PBX1: variants seen among roughly 807,000 people sequenced by gnomAD.
The protein encoded by PBX1 is PBX homeobox 1.
Under a neutral mutation model 53.4 loss-of-function variants are expected in PBX1, and 6 were observed. That is an observed-to-expected ratio of 0.11 (90% CI 0.06 to 0.22). PBX1 has a LOEUF of 0.22. PBX1 is among the 10% of genes least tolerant of loss of function. The pLI, the probability that PBX1 is intolerant of heterozygous loss-of-function variation, is 1.00. For missense variants in PBX1, 251 were observed against 551.4 expected (o/e 0.46, Z 5.46); for synonymous variants, 204 against 212.3 (o/e 0.96, Z 0.34).
At chr1:164,684,800 G>A (rs888859989) in intron 2 of PBX1, 1 of 152,186 alleles carries the variant, frequency 6.6e-6, no homozygotes, top group Non-Finnish European at 1.5e-5. Context: ...TGTGTTTGAC[G>A]ATAGCACTTC....
intron 2 of PBX1, among the ~76,000 whole-genome samples, chr1:164,858,846 A>G (rs1302817703): frequency 6.6e-6 from 1 of 152,200 alleles, no homozygotes; most frequent in Non-Finnish European, 1.5e-5. Flanking sequence ...CTACGCTGTT[A>G]TTGAAGTTTG....
chr1:164,614,436 G>A (rs912819745), intron 2 of PBX1, among the ~76,000 whole-genome samples: 2 of 151,982 alleles, frequency 1.3e-5, no homozygotes, highest in African/African-American at 4.8e-5. Flanking sequence ...CTTTTTCTTA[G>A]GTCGGACCTA....
At chr1:164,641,305 C>T (rs747218919) in intron 2 of PBX1, 1 of 152,748 alleles carries the variant, frequency 6.5e-6, no homozygotes, top group Admixed American at 6.5e-5. Context: ...TCATCCATCT[C>T]TCTTGTCATT....
At chr1:164,587,455 C>T (rs965763568) in intron 2 of PBX1, among the ~76,000 whole-genome samples, 5 of 152,012 alleles carry the variant, frequency 3.3e-5, no homozygotes, top group Non-Finnish European at 7.4e-5. Flanking sequence ...TCCCTTTTGT[C>T]GGGTGAGGAG....
intron 4 of PBX1, among the ~76,000 whole-genome samples, chr1:164,806,027 G>T (rs566876000): frequency 3.5e-4 from 54 of 152,114 alleles, no homozygotes; most frequent in Non-Finnish European, 6.2e-4. Context: ...TGGCTAAATT[G>T]GGAAATCCTA....
chr1:164,848,020 C>A lies in PBX1; in HGVS notation c.*1344C>A. 9.5e-7 allele frequency: 1 copy of A among 1,050,040 alleles called. No individual in the cohort carries two copies. Among genetic ancestry groups the A allele is most frequent in the Non-Finnish European group, 1.1e-6 (1 of 869,650 alleles). The allele number at this position is 1,050,040 out of a possible 1,614,324, so 65.0% of individuals were successfully genotyped here. A position where few individuals can be genotyped will look rare whatever the true frequency, so the allele number is the denominator to read the frequency against. On this transcript the variant is annotated 3_prime_UTR_variant, in exon 9 of 9. Coordinates refer to ENST00000420696, the MANE Select transcript of PBX1 (RefSeq NM_002585.4). ...TGTATTAATTTTCCAAAATGTTATA[C>A]CACACTATGTTCTTGGTCCTGACCT... is the stretch of plus-strand genomic sequence containing the variant.
At chr1:164,615,030 C>G (rs1429301981) in intron 2 of PBX1, among the ~76,000 whole-genome samples, 5 of 152,194 alleles carry the variant, frequency 3.3e-5, no homozygotes, top group Non-Finnish European at 7.3e-5. Flanking sequence ...CCACTTCGGC[C>G]TCCCAAAGTG....
intron 8 of PBX1, among the ~76,000 whole-genome samples, chr1:164,834,846 T>C (rs1251688080): frequency 2.6e-5 from 4 of 152,222 alleles, no homozygotes; most frequent in African/African-American, 9.7e-5. Flanking sequence ...CCTCTGGAGA[T>C]TGGCAACACC....
In PBX1 at chr1:164,803,526, C is replaced by T. The variant is rs370279390; in HGVS notation, c.701+3637C>T. Among the ~76,000 whole-genome samples, 14 of 152,222 alleles carry T rather than the reference C, an allele frequency of 9.2e-5. No individual in the cohort carries two copies. The East Asian group carries it at 1.2e-3, about 13-fold the overall frequency. The stretch of plus-strand genomic sequence containing the variant: ...GGAATTTGCTGTTTAGTTGGGGAGA[C>T]GTATGTAAATCTGTGGCGGATGTTG... On this transcript the variant is annotated intron_variant, in intron 4 of 8. Coordinates refer to ENST00000420696, the MANE Select transcript of PBX1 (RefSeq NM_002585.4).
At chr1:164,667,370 TATA>T (rs1454827247) in intron 2 of PBX1, among the ~76,000 whole-genome samples, 1 of 149,424 alleles carries the variant, frequency 6.7e-6, no homozygotes, top group Non-Finnish European at 1.5e-5. Flanking sequence ...ATCTATATAA[TATA>T]ATGTATATAA....
rs189724713 is a variant in PBX1 at position 164,712,552 on chromosome 1, G to A, written c.266-79942G>A. ...CTTTATTTTTAGATTTTCCTTTCCCGGTTGATATCGGAAGGCACAGAGGCA... is the reference window on the plus strand; with the variant it reads ...CTTTATTTTTAGATTTTCCTTTCCCAGTTGATATCGGAAGGCACAGAGGCA... On this transcript the variant is annotated intron_variant, in intron 2 of 8. Transcript: ENST00000420696. Among the ~76,000 whole-genome samples, 26 of 152,274 alleles carry A rather than the reference G, an allele frequency of 1.7e-4. 1 individual carries two copies. Among genetic ancestry groups the A allele is most frequent in the Admixed American group, 3.9e-4 (6 of 15,296 alleles).
intron 2 of PBX1, among the ~76,000 whole-genome samples, chr1:164,569,592 T>A: frequency 8.3e-6 from 1 of 121,192 alleles, no homozygotes; most frequent in Admixed American, 8.8e-5. Context: ...TTTTTTTTTG[T>A]CAAGAGTCTC....
Position 164,848,564 on chromosome 1 carries a change from A to G in PBX1, c.*1888A>G. 9.4e-7 allele frequency: 1 copy of G among 1,059,840 alleles called. No homozygotes were observed. Among genetic ancestry groups the G allele is most frequent in the South Asian group, 4.6e-5 (1 of 21,924 alleles). The allele number at this position is 1,059,840 out of a possible 1,614,324, so 65.7% of individuals were successfully genotyped here. ...GTACCTTGATGTCATCACCGTGATG[A>G]CAAAGAGAAGAGTTATTGTTGATCT... On this transcript the variant is annotated 3_prime_UTR_variant, in exon 9 of 9. Transcript: ENST00000420696.
intron 2 of PBX1, among the ~76,000 whole-genome samples, chr1:164,618,297 CGGGGGGGG>C (rs141131624): frequency 5.5e-5 from 1 of 18,106 alleles, no homozygotes; most frequent in Admixed American, 9.0e-4. Flanking sequence ...ATAATCACGG[CGGGGGGGG>C]GGGGGCACTC....
intron 2 of PBX1, among the ~76,000 whole-genome samples, chr1:164,675,828 A>G (rs1280605686): frequency 6.6e-6 from 1 of 152,006 alleles, no homozygotes; most frequent in East Asian, 1.9e-4. Flanking sequence ...ATCAGACTAG[A>G]GATTTCTATG....
At chr1:164,658,807 C>T (rs143506614) in intron 2 of PBX1, among the ~76,000 whole-genome samples, 2,082 of 152,310 alleles carry the variant, frequency 0.014, 37 homozygotes, top group South Asian at 0.046. Context: ...TACCACTTTA[C>T]ATATGTTATC....
At chr1:164,718,356 A>G (rs771362647) in intron 2 of PBX1, among the ~76,000 whole-genome samples, 7 of 152,204 alleles carry the variant, frequency 4.6e-5, no homozygotes, top group African/African-American at 1.7e-4. Context: ...TCTTCTGCCA[A>G]TTAAAGCTTC....
At chr1:164,603,718 G>A (rs1428944026) in intron 2 of PBX1, among the ~76,000 whole-genome samples, 14 of 152,026 alleles carry the variant, frequency 9.2e-5, no homozygotes, top group Non-Finnish European at 1.5e-4. Flanking sequence ...ACTGTATGGA[G>A]GATACCTACA....
chr1:164,667,626 C>A (rs1290440375), intron 2 of PBX1, among the ~76,000 whole-genome samples: 1 of 152,144 alleles, frequency 6.6e-6, no homozygotes, highest in Non-Finnish European at 1.5e-5. Context: ...AGATCATTGG[C>A]ATTCAAAGAT....
Sources: allele counts gnomAD v4.1 joint callset (sites outside exome capture counted in the v4.1 genomes callset), GRCh38; gene constraint gnomAD v4.1.1; transcripts MANE v1.5; gene names NCBI Gene and HGNC (gene_info 2026-07-23, HGNC 2026-07-21).